The following MGST2 variants were observed in gnomAD, a reference collection of about 807,000 sequenced individuals.
The protein encoded by MGST2 is glutathione peroxidase MGST2.
Under a neutral mutation model 16.6 loss-of-function variants are expected in MGST2, and 9 were observed. That is an observed-to-expected ratio of 0.54 (90% CI 0.33 to 0.95). MGST2 has a LOEUF of 0.95. Among genes scored for constraint, MGST2 ranks in the 40% least tolerant of loss-of-function variants. MGST2 has a pLI of 0.03. For synonymous variants in MGST2, 79 were observed against 68.0 expected (o/e 1.16, Z -0.79); for missense variants, 159 against 175.1 (o/e 0.91, Z 0.52).
chr4:139,691,675 TGA>T lies in MGST2; in HGVS notation c.159-3521_159-3520del, dbSNP rs1560747706. On this transcript the variant is annotated intron_variant, in intron 2 of 4. Transcript: ENST00000265498. ...CACCCCACTGGCAGTCAGATGATGA[TGA>T]TGATGATGATGATGATGATGATTAT... Among the ~76,000 whole-genome samples the T allele has an allele frequency of 4.4e-3, 628 of 142,606 alleles. 4 individuals carry two copies. The highest frequency in any genetic ancestry group is 0.022 in the South Asian group (103 of 4,620). The allele number at this position is 142,606 out of a possible 152,430, so 93.6% of individuals were successfully genotyped here.
chr4:139,734,956 C>A (rs575911415), intron 5 of MGST2, among the ~76,000 whole-genome samples: 36 of 152,360 alleles, frequency 2.4e-4, no homozygotes, highest in Non-Finnish European at 4.6e-4. Flanking sequence ...GAGCAGCTGC[C>A]GTTCTTCCCG....
At chr4:139,747,733 T>A in the MGST2 span, among the ~76,000 whole-genome samples, 5 of 151,146 alleles carry the variant, frequency 3.3e-5, no homozygotes, top group Non-Finnish European at 5.9e-5. Flanking sequence ...CATCATTTGA[T>A]TACTGATACT....
At chr4:139,695,375 A>G (rs1372116102) in intron 3 of MGST2, 108 bp downstream of exon 3, 1 of 941,016 alleles carries the variant, frequency 1.1e-6, no homozygotes, top group Non-Finnish European at 1.7e-6. Flanking sequence ...TATTCCCAGC[A>G]CTTTGGGAGG....
chr4:139,747,829 G>A, the MGST2 span, among the ~76,000 whole-genome samples: 6 of 152,182 alleles, frequency 3.9e-5, no homozygotes, highest in East Asian at 3.9e-4. Flanking sequence ...CAAGGTGGGC[G>A]GATCACCTGA....
chr4:139,704,318 G>GGTA, downstream of MGST2: 6 of 813,070 alleles, frequency 7.4e-6, no homozygotes, highest in Non-Finnish European at 1.2e-5. Flanking sequence ...ATTTGCTTGG[G>GGTA]GTAGGTACAT....
chr4:139,739,504 T>C (rs1729078237), intron 5 of MGST2, among the ~76,000 whole-genome samples: 1 of 152,156 alleles, frequency 6.6e-6, no homozygotes, highest in Admixed American at 6.5e-5. Flanking sequence ...CCAAAGCAAT[T>C]CTACATTGGT....
intron 5 of MGST2, chr4:139,731,259 G>A (rs1728694595): frequency 6.3e-6 from 1 of 158,276 alleles, no homozygotes; most frequent in Non-Finnish European, 1.4e-5. Flanking sequence ...AACTGGGAAT[G>A]TTTTACACCG....
chr4:139,737,057 T>G (rs1257255020), intron 5 of MGST2, among the ~76,000 whole-genome samples: 20 of 152,192 alleles, frequency 1.3e-4, no homozygotes, highest in Admixed American at 1.3e-3. Context: ...GCAACTGTGC[T>G]GTGGAGGCTG....
In MGST2 at chr4:139,698,688, A is replaced by G. The variant is rs1727078020; in HGVS notation, c.229+3421A>G. The G allele has an allele frequency of 7.6e-6, 5 of 657,274 alleles. No homozygotes were observed. In the East Asian group the frequency reaches 1.1e-4, roughly 14 times the overall value. 40.7% of individuals were successfully genotyped at this position (657,274 alleles called of 1,614,324 possible). ...GCTCCCACATAAAAGCTGCATTTCA[A>G]TATGAGATAAAAAGACATTTTGGAA... is the stretch of plus-strand genomic sequence containing the variant. On this transcript the variant is annotated intron_variant, in intron 3 of 4. Coordinates refer to ENST00000265498, the MANE Select transcript of MGST2 (RefSeq NM_002413.5).
At chr4:139,678,689 A>G in intron 2 of MGST2, 47 bp downstream of exon 2, 2 of 1,424,300 alleles carry the variant, frequency 1.4e-6, no homozygotes, top group East Asian at 2.3e-5. Context: ...CCTGCCATAC[A>G]GACACAATTC....
chr4:139,665,959 T>C lies in MGST2; in HGVS notation c.-61T>C, dbSNP rs1730311302. The stretch of plus-strand genomic sequence containing the variant: ...GTTTACCCGATAAGGAAGGTCAGCA[T>C]TCAAAGTCAAGAAGCGCCATTTATC... On this transcript the variant is annotated 5_prime_UTR_variant, in exon 1 of 5. Coordinates refer to ENST00000265498, the MANE Select transcript of MGST2 (RefSeq NM_002413.5). The C allele has an allele frequency of 1.9e-6, 3 of 1,562,660 alleles. No individual in the cohort carries two copies. Among genetic ancestry groups the C allele is most frequent in the Non-Finnish European group, 1.8e-6 (2 of 1,134,242 alleles).
At chr4:139,734,325 G>A (rs1022641725) in intron 5 of MGST2, among the ~76,000 whole-genome samples, 2 of 152,152 alleles carry the variant, frequency 1.3e-5, no homozygotes, top group Non-Finnish European at 2.9e-5. Flanking sequence ...TTCGTCATGC[G>A]AGATGTAATG....
chr4:139,688,512 T>A (rs1439025660), intron 2 of MGST2, among the ~76,000 whole-genome samples: 1 of 150,522 alleles, frequency 6.6e-6, no homozygotes, highest in Non-Finnish European at 1.5e-5. Context: ...ACTGTGATTC[T>A]GTATTTTTTT....
At chr4:139,695,934 C>T (rs977903336) in intron 3 of MGST2, among the ~76,000 whole-genome samples, 3 of 152,202 alleles carry the variant, frequency 2.0e-5, no homozygotes, top group African/African-American at 7.2e-5. Context: ...TAACCCAAAA[C>T]TTGACTACTG....
intron 3 of MGST2, among the ~76,000 whole-genome samples, chr4:139,695,887 C>CCA (rs140259326): frequency 1.3e-5 from 2 of 151,966 alleles, no homozygotes; most frequent in African/African-American, 2.4e-5. Flanking sequence ...ACCCCCCGCC[C>CCA]CACACACACA....
chr4:139,739,679 G>A (rs1579379883), intron 5 of MGST2, among the ~76,000 whole-genome samples: 1 of 132,354 alleles, frequency 7.6e-6, no homozygotes, highest in Admixed American at 7.7e-5. Flanking sequence ...GAGGAAAGCA[G>A]TTTTTTTTTT....
chr4:139,710,144 A>G (rs900362913), intron 5 of MGST2, among the ~76,000 whole-genome samples: 1 of 152,202 alleles, frequency 6.6e-6, no homozygotes, highest in African/African-American at 2.4e-5. Context: ...TCATTAATAA[A>G]CAAAATCAGG....
intron 3 of MGST2, 126 bp from the exon 4 acceptor site, chr4:139,703,329 A>G (rs548328648): frequency 1.1e-5 from 9 of 802,600 alleles, no homozygotes; most frequent in South Asian, 3.0e-5. Context: ...GATTCTCTCT[A>G]TATTCTGAAT....
In MGST2 at chr4:139,715,030, G is replaced by A. The variant is rs1399511557; in HGVS notation, c.*48+10834G>A. Reference sequence around the variant, plus strand: ...GCCGAACCTGTTCTTAGCCGAGAGGGACTTTACCGAAGAGGGGCCTCTAAC... The same window carrying A: ...GCCGAACCTGTTCTTAGCCGAGAGGAACTTTACCGAAGAGGGGCCTCTAAC... On this transcript the variant is annotated intron_variant, in intron 5 of 5. Coordinates refer to the MGST2 transcript ENST00000616265. The surrounding 1 kb of genome is among the most constrained non-coding windows in gnomAD (Gnocchi z 4.4). Among the ~76,000 whole-genome samples, 1 of 152,210 alleles carries A rather than the reference G, an allele frequency of 6.6e-6. No individual in the cohort carries two copies. The highest frequency in any genetic ancestry group is 1.5e-5 in the Non-Finnish European group (1 of 68,040).
Sources: gnomAD v4.1 joint callset for allele counts (sites outside exome capture counted in the v4.1 genomes callset) on GRCh38, gnomAD v4.1.1 for gene constraint, Gnocchi (gnomAD v3.1) non-coding constraint, MANE v1.5 for transcripts, NCBI Gene and HGNC (gene_info 2026-07-23, HGNC 2026-07-21) for gene names.